Variants in TBX4 observed in about 807,000 individuals in gnomAD.
TBX4 encodes T-box transcription factor 4.
In TBX4, 13 loss-of-function variants were observed where a neutral mutation model predicts 54.6. The observed-to-expected ratio is 0.24, with a 90% CI of 0.15 to 0.38. The LOEUF is 0.38. Among genes scored for constraint, TBX4 ranks in the 10% least tolerant of loss-of-function variants. The pLI, the probability that TBX4 is intolerant of heterozygous loss-of-function variation, is 1.00. For synonymous variants in TBX4, 314 were observed against 306.7 expected, an observed-to-expected ratio of 1.02 and a Z score of -0.25; for missense variants, 631 against 728.5, an observed-to-expected ratio of 0.87 and a Z score of 1.54.
chr17:61,456,735 T>C (rs1439879689), intron 2 of TBX4, 59 bp downstream of exon 2: 23 of 1,268,998 alleles, frequency 1.8e-5, no homozygotes, highest in African/African-American at 4.7e-5. Context: ...CGGGGCCGCC[T>C]GTGTCCGTCT....
Position 61,466,048 on chromosome 17 carries a change from G to T in TBX4, c.401+110G>T, listed in dbSNP as rs562505162. On this transcript the variant is annotated intron_variant, in intron 4 of 8. Transcript: ENST00000644296. ...CTTAGCTACCTGAGTGACTGCCCAG[G>T]TCTGCAGGCTGGAGTCCACTGCCTG... 33 of 1,554,792 alleles carry T rather than the reference G, an allele frequency of 2.1e-5. 2 individuals are homozygous for T. The South Asian group carries it at 3.5e-4, about 16-fold the overall frequency.
At position 61,460,416 on chromosome 17, in the gene TBX4, G is replaced by A. The variant is rs1028205807; in HGVS notation, c.281+2785G>A. 1 of 152,216 alleles carries A rather than the reference G, an allele frequency of 6.6e-6. No individual in the cohort carries two copies. The highest frequency in any genetic ancestry group is 1.5e-5 in the Non-Finnish European group (1 of 68,048). The allele number at this position is 152,216 out of a possible 1,614,324, so 9.4% of individuals were successfully genotyped here. A position where few individuals can be genotyped will look rare whatever the true frequency, so the allele number is the denominator to read the frequency against. ...AGCCCTTTGGGTCCTTGAGAGTCTT[G>A]AAGGTTGACAGAGAGAAGAATCCCT... is the stretch of plus-strand genomic sequence containing the variant. On this transcript the variant is annotated intron_variant, in intron 3 of 8. Coordinates refer to ENST00000644296, the MANE Select transcript of TBX4 (RefSeq NM_001321120.2). This position sits in a 1 kb window ranked among gnomAD's most constrained non-coding sequence, Gnocchi z 4.4.
At chr17:61,456,070 G>T (rs1341316361) in intron 1 of TBX4, among the ~76,000 whole-genome samples, 1 of 152,152 alleles carries the variant, frequency 6.6e-6, no homozygotes, top group East Asian at 1.9e-4. Flanking sequence ...GCCAGGAGGT[G>T]TCCTGGCTGT....
rs2060682245 is a variant in TBX4 at position 61,483,589 on chromosome 17, C to G, written c.*73C>G. ...ACCTCTGTGGGTGGCCTGCACTCTA[C>G]CAAGAAACACAGGAAGGTATTCCAG... On this transcript the variant is annotated 3_prime_UTR_variant, in exon 9 of 9. Transcript: ENST00000644296. This position sits in a 1 kb window ranked among gnomAD's most constrained non-coding sequence, Gnocchi z 6.6. 3 of 1,572,950 alleles carry G rather than the reference C, an allele frequency of 1.9e-6. No individual in the cohort carries two copies. The South Asian group carries it at 3.4e-5, about 18-fold the overall frequency.
At position 61,461,640 on chromosome 17, in the gene TBX4, AG is replaced by A. The variant is rs1212949329; in HGVS notation, c.281+4012del. ...CCTACAGAAGAGTCCACAGGTCTTA[AG>A]GGTGCAGCTTTACAGACTTGCACAA... On this transcript the variant is annotated intron_variant, in intron 3 of 8. Coordinates refer to ENST00000644296, the MANE Select transcript of TBX4 (RefSeq NM_001321120.2). The surrounding 1 kb of genome is among the most constrained non-coding windows in gnomAD (Gnocchi z 5.1). 6.6e-6 allele frequency among the ~76,000 whole-genome samples: 1 copy of A among 152,212 alleles called. No homozygotes were observed. The highest frequency in any genetic ancestry group is 2.4e-5 in the African/African-American group (1 of 41,456).
Position 61,456,674 on chromosome 17 carries a change from C to A in TBX4, c.184C>A (p.Gln62Lys). The A allele has an allele frequency of 7.3e-7, 1 of 1,364,022 alleles. No homozygotes were observed. Among genetic ancestry groups the A allele is most frequent in the Non-Finnish European group, 9.5e-7 (1 of 1,055,688 alleles). 84.5% of individuals were successfully genotyped at this position (1,364,022 alleles called of 1,614,324 possible). A position where few individuals can be genotyped will look rare whatever the true frequency, so the allele number is the denominator to read the frequency against. Residue 62 changes from glutamine to lysine, a missense_variant and splice_region_variant, in exon 2 of 9, where the codon CAG becomes AAG. This residue lies in a region of TBX4 where 123 missense variants were observed against 120.9 expected (regional missense o/e 1.02). Transcript: ENST00000644296. ...ADVVAAAAAE[Q>K]TIENIKVGLH... ...CGTCGTCGCCGCCGCCGCCGCGGAG[C>A]AGGTAGGGCTGCGCCAGCCGTCGGG...
intron 5 of TBX4, among the ~76,000 whole-genome samples, chr17:61,469,868 C>A (rs2060563765): frequency 6.6e-6 from 1 of 152,194 alleles, no homozygotes; most frequent in Non-Finnish European, 1.5e-5. Context: ...CTTCTCAGTG[C>A]AAGAGGCTGG....
At position 61,478,915 on chromosome 17, in the gene TBX4, C is replaced by T; in HGVS notation, c.702+136C>T. ...GGCCCAGTGCAGGGACCTCAGAAGCCTAGAGTCCCTCGGAGCCGCGAGCAA... is the reference window on the plus strand; with the variant it reads ...GGCCCAGTGCAGGGACCTCAGAAGCTTAGAGTCCCTCGGAGCCGCGAGCAA... On this transcript the variant is annotated intron_variant, in intron 6 of 8. Transcript: ENST00000644296. This position sits in a 1 kb window ranked among gnomAD's most constrained non-coding sequence, Gnocchi z 7.4. The T allele has an allele frequency of 7.2e-6, 10 of 1,385,116 alleles. No homozygotes were observed. The highest frequency in any genetic ancestry group is 1.0e-5 in the Non-Finnish European group (10 of 982,152). 85.8% of individuals were successfully genotyped at this position (1,385,116 alleles called of 1,614,324 possible).
rs2060466494 is a variant in TBX4 at position 61,457,990 on chromosome 17, T to C, written c.281+359T>C. Among the ~76,000 whole-genome samples, 1 of 152,216 alleles carries C rather than the reference T, an allele frequency of 6.6e-6. No homozygotes were observed. Among genetic ancestry groups the C allele is most frequent in the South Asian group, 2.1e-4 (1 of 4,826 alleles). On this transcript the variant is annotated intron_variant, in intron 3 of 8. Coordinates refer to ENST00000644296, the MANE Select transcript of TBX4 (RefSeq NM_001321120.2). This position sits in a 1 kb window ranked among gnomAD's most constrained non-coding sequence, Gnocchi z 8.2. ...AGGAGGTTTCTCAGGAATGCATTGA[T>C]TGGAGACCCAGAGATGCCTCTCAGC...
At chr17:61,467,026 G>A (rs897404866) in intron 4 of TBX4, among the ~76,000 whole-genome samples, 3 of 152,106 alleles carry the variant, frequency 2.0e-5, no homozygotes, top group Non-Finnish European at 4.4e-5. Flanking sequence ...GGGCATGGAG[G>A]TGCATGCCTG....
At position 61,457,822 on chromosome 17, in the gene TBX4, G is replaced by C. The variant is rs1016270613; in HGVS notation, c.281+191G>C. Among the ~76,000 whole-genome samples, 1 of 152,206 alleles carries C rather than the reference G, an allele frequency of 6.6e-6. No homozygotes were observed. Among genetic ancestry groups the C allele is most frequent in the East Asian group, 1.9e-4 (1 of 5,176 alleles). ...AAGCCCGCAGGGGGCCACCGCAGCC[G>C]CGCGGGCCTTGCGGGAAAGACCGAG... On this transcript the variant is annotated intron_variant, in intron 3 of 8. Transcript: ENST00000644296. The surrounding 1 kb of genome is among the most constrained non-coding windows in gnomAD (Gnocchi z 8.2).
chr17:61,458,552 A>G (rs964246891), intron 3 of TBX4, among the ~76,000 whole-genome samples: 3 of 152,132 alleles, frequency 2.0e-5, no homozygotes, highest in Admixed American at 6.5e-5. Context: ...GAATAAGATG[A>G]TGAAGGCTCA....
rs3033496 is a variant in TBX4, at chr17:61,484,743, T to TATAAATAA, written c.*1235_*1242dup. 1.4e-5 allele frequency: 2 copies of TATAAATAA among 147,678 alleles called. No homozygotes were observed. The highest frequency in any genetic ancestry group is 2.1e-4 in the South Asian group (1 of 4,756). 9.1% of individuals were successfully genotyped at this position (147,678 alleles called of 1,614,324 possible). On this transcript the variant is annotated 3_prime_UTR_variant, in exon 9 of 9. Coordinates refer to ENST00000644296, the MANE Select transcript of TBX4 (RefSeq NM_001321120.2). The surrounding 1 kb of genome is among the most constrained non-coding windows in gnomAD (Gnocchi z 4.1). ...ATGCTGAATAGCTATTTATATATTA[T>TATAAATAA]ATAAATAAATAAATATATATATTAT...
rs1892279172 is a variant in TBX4, at chr17:61,472,413, ATCT to A, written c.549+4761_549+4763del. 6.6e-6 allele frequency among the ~76,000 whole-genome samples: 1 copy of A among 152,210 alleles called. No individual in the cohort carries two copies. The highest frequency in any genetic ancestry group is 1.9e-4 in the East Asian group (1 of 5,196). ...TCCTTTATTATGAGTAAGGTTAAGCATCTTCTTTTAATAAATTTCCTCTCCTGC... is the reference window on the plus strand; with the variant it reads ...TCCTTTATTATGAGTAAGGTTAAGCATCTTTTAATAAATTTCCTCTCCTGC... On this transcript the variant is annotated intron_variant, in intron 5 of 8. Coordinates refer to ENST00000644296, the MANE Select transcript of TBX4 (RefSeq NM_001321120.2). The surrounding 1 kb of genome is among the most constrained non-coding windows in gnomAD (Gnocchi z 4.5).
rs970980614 is a variant in TBX4 at position 61,476,119 on chromosome 17, G to T, written c.550-2508G>T. Among the ~76,000 whole-genome samples the T allele has an allele frequency of 6.6e-5, 10 of 152,166 alleles. No homozygotes were observed. Among genetic ancestry groups the T allele is most frequent in the African/African-American group, 7.2e-5 (3 of 41,418 alleles). ...AGCCTGGAGGTACAAAAGGATAAAA[G>T]GTATAGCCCTTTCTCCTGAGGAGTT... is the stretch of plus-strand genomic sequence containing the variant. On this transcript the variant is annotated intron_variant, in intron 5 of 8. Coordinates refer to ENST00000644296, the MANE Select transcript of TBX4 (RefSeq NM_001321120.2). This position sits in a 1 kb window ranked among gnomAD's most constrained non-coding sequence, Gnocchi z 6.5.
chr17:61,473,882 C>T (rs1252781784), intron 5 of TBX4, among the ~76,000 whole-genome samples: 1 of 152,214 alleles, frequency 6.6e-6, no homozygotes, highest in African/African-American at 2.4e-5. Context: ...GTTGCTGTGG[C>T]AGAAGGCAGG....
rs1333714275 is a variant in TBX4 at position 61,478,115 on chromosome 17, A to G, written c.550-512A>G. ...TTTCTAGAAGAGGCAGGTCATGTGT[A>G]AGAAGGGTATTGAGAAGAGGTGAGG... On this transcript the variant is annotated intron_variant, in intron 5 of 8. Transcript: ENST00000644296. The surrounding 1 kb of genome is among the most constrained non-coding windows in gnomAD (Gnocchi z 7.4). Among the ~76,000 whole-genome samples the G allele has an allele frequency of 6.6e-6, 1 of 152,112 alleles. No homozygotes were observed. The highest frequency in any genetic ancestry group is 2.4e-5 in the African/African-American group (1 of 41,420).
In TBX4 at chr17:61,476,309, G is replaced by A. The variant is rs2060619532; in HGVS notation, c.550-2318G>A. On this transcript the variant is annotated intron_variant, in intron 5 of 8. Coordinates refer to ENST00000644296, the MANE Select transcript of TBX4 (RefSeq NM_001321120.2). This position sits in a 1 kb window ranked among gnomAD's most constrained non-coding sequence, Gnocchi z 6.5. The stretch of plus-strand genomic sequence containing the variant: ...CTGGGTCTTCCTAGAAGAGATGTTA[G>A]GCCCAGAAGGTGAGAAAAGAATGGG... Among the ~76,000 whole-genome samples the A allele has an allele frequency of 6.6e-6, 1 of 152,186 alleles. No homozygotes were observed. Among genetic ancestry groups the A allele is most frequent in the Non-Finnish European group, 1.5e-5 (1 of 68,032 alleles).
rs766266920 is a variant in TBX4, at chr17:61,483,276, A to G, written c.1401A>G (p.Pro467=). 7.4e-6 allele frequency: 12 copies of G among 1,613,978 alleles called. No individual in the cohort carries two copies. The highest frequency in any genetic ancestry group is 1.3e-5 in the African/African-American group (1 of 74,918). Residue 467 remains proline, a synonymous_variant, in exon 9 of 9, where the codon CCA becomes CCG. Coordinates refer to ENST00000644296, the MANE Select transcript of TBX4 (RefSeq NM_001321120.2). This position sits in a 1 kb window ranked among gnomAD's most constrained non-coding sequence, Gnocchi z 6.6. ...TCTCCGCTCAGAGCTCCCAGCCACC[A>G]GGAAATGCCCACTTTAGTGTCTACA... is the stretch of plus-strand genomic sequence containing the variant. ...PTLSAQSSQP[P]GNAHFSVYNQ... is the part of the protein sequence containing the mutation.
Sources: gnomAD v4.1 joint callset for allele counts (sites outside exome capture counted in the v4.1 genomes callset) on GRCh38, gnomAD v4.1.1 for gene constraint, gnomAD v4.1.1 regional missense constraint, Gnocchi (gnomAD v3.1) non-coding constraint, MANE v1.5 for transcripts, NCBI Gene and HGNC (gene_info 2026-07-23, HGNC 2026-07-21) for gene names.